PAX5: variants seen among roughly 807,000 people sequenced by gnomAD.
PAX5 encodes paired box protein Pax-5.
Under a neutral mutation model 43.7 loss-of-function variants are expected in PAX5, and 9 were observed. The observed-to-expected ratio is 0.21, with a 90% CI of 0.12 to 0.36. The LOEUF (loss-of-function observed/expected upper bound fraction) is 0.36, where lower values mean the gene tolerates loss of function less well. Among genes scored for constraint, PAX5 ranks in the 10% least tolerant of loss-of-function variants. PAX5 has a pLI of 1.00. For missense variants in PAX5, 383 were observed against 532.7 expected (o/e 0.72, Z 2.77); for synonymous variants, 228 against 214.3 (o/e 1.06, Z -0.56).
At chr9:37,011,476 G>A (rs2132451361) in intron 3 of PAX5, among the ~76,000 whole-genome samples, 1 of 152,192 alleles carries the variant, frequency 6.6e-6, no homozygotes, top group South Asian at 2.1e-4. Flanking sequence ...CCTTGGCCAC[G>A]GTGCTGGAAT....
At chr9:37,021,690 A>G (rs1459286497) in intron 1 of PAX5, among the ~76,000 whole-genome samples, 1 of 152,208 alleles carries the variant, frequency 6.6e-6, no homozygotes, top group African/African-American at 2.4e-5. Context: ...CTTCTCTTAC[A>G]TCAAGGTCCA....
intron 7 of PAX5, among the ~76,000 whole-genome samples, chr9:36,922,543 T>C (rs980604322): frequency 1.3e-5 from 2 of 152,130 alleles, no homozygotes; most frequent in African/African-American, 4.8e-5. Flanking sequence ...ATCCAGCCCT[T>C]CTGCAGCAGC....
At chr9:36,944,110 G>A (rs965865690) in intron 6 of PAX5, among the ~76,000 whole-genome samples, 6 of 152,188 alleles carry the variant, frequency 3.9e-5, no homozygotes, top group Admixed American at 2.0e-4. Context: ...CTTGTGCCCC[G>A]GAGTTCAAGG....
intron 8 of PAX5, among the ~76,000 whole-genome samples, chr9:36,881,287 C>G (rs1013123095): frequency 6.6e-6 from 1 of 152,158 alleles, no homozygotes; most frequent in Non-Finnish European, 1.5e-5. Flanking sequence ...TGTGTAACAA[C>G]ATCCAGTGGA....
intron 5 of PAX5, among the ~76,000 whole-genome samples, chr9:36,988,346 C>T (rs1836633894): frequency 6.6e-6 from 1 of 152,004 alleles, no homozygotes; most frequent in Non-Finnish European, 1.5e-5. Flanking sequence ...GCTGAACAAT[C>T]CTATCATGAA....
chr9:37,021,926 C>T (rs1315485343), intron 1 of PAX5, among the ~76,000 whole-genome samples: 4 of 152,110 alleles, frequency 2.6e-5, no homozygotes, highest in Non-Finnish European at 4.4e-5. Flanking sequence ...AGGACTGGAC[C>T]GTACAAGGGA....
intron 7 of PAX5, among the ~76,000 whole-genome samples, chr9:36,919,717 T>G (rs189745421): frequency 0.023 from 3,520 of 151,782 alleles, 55 homozygotes; most frequent in Middle Eastern, 0.054. Flanking sequence ...GGTGGGTGCC[T>G]GTAATCCCAG....
intron 3 of PAX5, among the ~76,000 whole-genome samples, chr9:37,012,565 C>T (rs1404667004): frequency 1.3e-5 from 2 of 152,232 alleles, no homozygotes; most frequent in African/African-American, 4.8e-5. Flanking sequence ...AGCACAGGTC[C>T]AGGCAGAAAA....
intron 5 of PAX5, among the ~76,000 whole-genome samples, chr9:36,984,435 C>CTTGTT (rs1836213086): frequency 1.5e-5 from 1 of 66,874 alleles, no homozygotes; most frequent in Non-Finnish European, 2.5e-5. Context: ...TTGAACCTCT[C>CTTGTT]TTTTTTTTTT....
At chr9:36,986,529 C>A (rs1478271592) in intron 5 of PAX5, among the ~76,000 whole-genome samples, 1 of 152,144 alleles carries the variant, frequency 6.6e-6, no homozygotes, top group African/African-American at 2.4e-5. Flanking sequence ...TCAGCCTTCT[C>A]TTTGCGCCAC....
intron 7 of PAX5, among the ~76,000 whole-genome samples, chr9:36,909,734 T>C (rs553754870): frequency 6.7e-6 from 1 of 150,004 alleles, no homozygotes; most frequent in Non-Finnish European, 1.5e-5. Context: ...TTCTCAACTC[T>C]CCCCAAGTGT....
chr9:36,987,820 TCTGC>T (rs988564400), intron 5 of PAX5, among the ~76,000 whole-genome samples: 3 of 152,216 alleles, frequency 2.0e-5, no homozygotes, highest in African/African-American at 7.2e-5. Context: ...TCTCTGCCTC[TCTGC>T]CTGCCTGCCT....
chr9:36,992,685 A>G lies in PAX5; in HGVS notation c.604+9963T>C, dbSNP rs183479047. Among the ~76,000 whole-genome samples, 225 of 152,362 alleles carry G rather than the reference A, an allele frequency of 1.5e-3. 1 individual carries two copies. The highest frequency in any genetic ancestry group is 5.3e-3 in the African/African-American group (219 of 41,578). On this transcript the variant is annotated intron_variant, in intron 5 of 9. Transcript: ENST00000358127. ...TCCCTCCTCAGCTCAAAGACCTGCC[A>G]TGGCTCCCACTGTCTTAAGGAGCTA...
chr9:37,020,628 G>C lies in PAX5; in HGVS notation c.212+8C>G, dbSNP rs200018245. On this transcript the variant is annotated splice_region_variant and intron_variant, in intron 2 of 9. Transcript: ENST00000358127. ...AGATCAAGGGAAGCCTCGAGCTACT[G>C]CCTTTACCTGCCAAGAATTTTGCTG... is the stretch of plus-strand genomic sequence containing the variant. The C allele has an allele frequency of 6.2e-7, 1 of 1,614,064 alleles. No individual in the cohort carries two copies. Among genetic ancestry groups the C allele is most frequent in the Admixed American group, 1.7e-5 (1 of 60,032 alleles).
intron 8 of PAX5, among the ~76,000 whole-genome samples, chr9:36,856,021 G>C (rs1331788996): frequency 6.6e-6 from 1 of 152,206 alleles, no homozygotes; most frequent in Non-Finnish European, 1.5e-5. Flanking sequence ...ATTCAGGGCT[G>C]TCTGTGACCC....
rs796645948 is a variant in PAX5, at chr9:36,975,551, A to G, written c.605-8827T>C. On this transcript the variant is annotated intron_variant, in intron 5 of 9. Transcript: ENST00000358127. The stretch of plus-strand genomic sequence containing the variant: ...CAGGCGCCCGCCACTATTCCCAGCT[A>G]ATTTTTTGCATTTTTAGTAGAGACG... Among the ~76,000 whole-genome samples, 11 of 152,104 alleles carry G rather than the reference A, an allele frequency of 7.2e-5. 1 individual carries two copies. The highest frequency in any genetic ancestry group is 2.4e-4 in the African/African-American group (10 of 41,506).
At chr9:36,979,343 G>C (rs571470236) in intron 5 of PAX5, among the ~76,000 whole-genome samples, 1 of 152,252 alleles carries the variant, frequency 6.6e-6, no homozygotes, top group South Asian at 2.1e-4. Context: ...TTATAAGAAG[G>C]GCTCTTCATT....
intron 7 of PAX5, among the ~76,000 whole-genome samples, chr9:36,907,439 C>T (rs557432501): frequency 6.6e-6 from 1 of 152,286 alleles, no homozygotes; most frequent in South Asian, 2.1e-4. Flanking sequence ...AGTCAGCTGT[C>T]TCTATGCCAA....
chr9:36,864,020 A>T (rs1324257986), intron 8 of PAX5, among the ~76,000 whole-genome samples: 3 of 152,212 alleles, frequency 2.0e-5, no homozygotes, highest in African/African-American at 7.2e-5. Flanking sequence ...GAGGTAGAAG[A>T]ATTGCTTGAA....
Sources: allele counts gnomAD v4.1 joint callset (sites outside exome capture counted in the v4.1 genomes callset), GRCh38; gene constraint gnomAD v4.1.1; transcripts MANE v1.5; gene names NCBI Gene and HGNC (gene_info 2026-07-23, HGNC 2026-07-21).